Variants in ZCCHC7 observed in about 807,000 individuals in gnomAD.
ZCCHC7 encodes zinc finger CCHC-type containing 7, also known as zinc finger CCHC domain-containing protein 7.
In ZCCHC7, 35 loss-of-function variants were observed where a neutral mutation model predicts 52.0. The observed-to-expected ratio is 0.67, with a 90% CI of 0.51 to 0.89. The LOEUF is 0.89. ZCCHC7 is among the 40% of genes least tolerant of loss of function. The pLI, the probability that ZCCHC7 is intolerant of heterozygous loss-of-function variation, is 0.00. For synonymous variants in ZCCHC7, 217 were observed against 221.5 expected (o/e 0.98, Z 0.18); for missense variants, 574 against 649.1 (o/e 0.88, Z 1.26).
intron 2 of ZCCHC7, among the ~76,000 whole-genome samples, chr9:37,178,409 CAA>C (rs34269738): frequency 2.3e-4 from 18 of 77,816 alleles, no homozygotes; most frequent in Admixed American, 7.0e-4. Flanking sequence ...TACCCCCCAC[CAA>C]AAAAAAAAAA....
chr9:37,171,376 A>G (rs1821718676), intron 2 of ZCCHC7, among the ~76,000 whole-genome samples: 1 of 152,162 alleles, frequency 6.6e-6, no homozygotes, highest in Non-Finnish European at 1.5e-5. Context: ...TGTCAGTTTC[A>G]TTAATAGACA....
chr9:37,322,779 T>C (rs934142908), intron 5 of ZCCHC7, among the ~76,000 whole-genome samples: 15 of 152,010 alleles, frequency 9.9e-5, no homozygotes, highest in South Asian at 4.2e-4. Context: ...TCCTCTATTA[T>C]GTCTTTATCA....
At chr9:37,183,773 A>G (rs991822332) in intron 2 of ZCCHC7, among the ~76,000 whole-genome samples, 3 of 152,250 alleles carry the variant, frequency 2.0e-5, no homozygotes, top group Non-Finnish European at 4.4e-5. Context: ...TCTCTCATTT[A>G]TAAATAAAGA....
chr9:37,187,268 T>C lies in ZCCHC7; in HGVS notation c.610+60326T>C, dbSNP rs532838624. 3.1e-4 allele frequency among the ~76,000 whole-genome samples: 47 copies of C among 152,350 alleles called. No individual in the cohort carries two copies. In the South Asian group the frequency reaches 8.9e-3, roughly 29 times the overall value. ...AGTTTCATGGAAGAAAATTTTTCCA[T>C]GGACAGGGGTCGGGGGATAGTTTCG... On this transcript the variant is annotated intron_variant, in intron 2 of 8. Transcript: ENST00000336755.
At chr9:37,222,328 A>AGAGTGTGT (rs1397605356) in intron 2 of ZCCHC7, among the ~76,000 whole-genome samples, 1 of 133,008 alleles carries the variant, frequency 7.5e-6, no homozygotes, top group Non-Finnish European at 1.6e-5. Flanking sequence ...AGAATAACAG[A>AGAGTGTGT]GTGTGTGTGT....
chr9:37,261,642 C>T (rs1459440511), intron 2 of ZCCHC7, among the ~76,000 whole-genome samples: 1 of 152,174 alleles, frequency 6.6e-6, no homozygotes, highest in Non-Finnish European at 1.5e-5. Flanking sequence ...TCTATAAACA[C>T]CTTTCCTTGA....
At chr9:37,184,962 G>A (rs1822571422) in intron 2 of ZCCHC7, among the ~76,000 whole-genome samples, 1 of 152,064 alleles carries the variant, frequency 6.6e-6, no homozygotes, top group African/African-American at 2.4e-5. Flanking sequence ...GATTTCCTGT[G>A]GGTTTCTAGG....
chr9:37,348,507 G>A (rs927571728), intron 6 of ZCCHC7, among the ~76,000 whole-genome samples: 1 of 152,090 alleles, frequency 6.6e-6, no homozygotes, highest in Non-Finnish European at 1.5e-5. Context: ...AGCCTCTGAA[G>A]TAGCTGGGAC....
rs555491248 is a variant in ZCCHC7 at position 37,257,959 on chromosome 9, C to A, written c.611-44229C>A. ...TTTATAGCAACACAGAGATTAAAAT[C>A]TTATTAGGGCAAGGGGTATAGCTGG... On this transcript the variant is annotated intron_variant, in intron 2 of 8. Coordinates refer to ENST00000336755, the MANE Select transcript of ZCCHC7 (RefSeq NM_032226.3). Among the ~76,000 whole-genome samples the A allele has an allele frequency of 3.3e-5, 5 of 152,212 alleles. No individual in the cohort carries two copies. In the East Asian group the frequency reaches 9.6e-4, roughly 29 times the overall value.
At chr9:37,259,414 A>G (rs1011713213) in intron 2 of ZCCHC7, among the ~76,000 whole-genome samples, 4 of 152,164 alleles carry the variant, frequency 2.6e-5, no homozygotes, top group African/African-American at 9.7e-5. Context: ...CAAAATTTAT[A>G]CTTTTATAAA....
chr9:37,329,792 A>G (rs1348133518), intron 6 of ZCCHC7, among the ~76,000 whole-genome samples: 4 of 151,886 alleles, frequency 2.6e-5, no homozygotes, highest in African/African-American at 9.7e-5. Flanking sequence ...ATTGACTCCT[A>G]GTAGCCCTCA....
chr9:37,172,066 C>G (rs1373793058), intron 2 of ZCCHC7, among the ~76,000 whole-genome samples: 1 of 152,060 alleles, frequency 6.6e-6, no homozygotes, highest in Non-Finnish European at 1.5e-5. Flanking sequence ...GGACCTGTGT[C>G]TCTTAAAGTT....
intron 2 of ZCCHC7, among the ~76,000 whole-genome samples, chr9:37,296,024 T>A (rs1042476331): frequency 6.6e-6 from 1 of 152,188 alleles, no homozygotes; most frequent in African/African-American, 2.4e-5. Flanking sequence ...CTATTTACTT[T>A]AGGTTGGTGC....
intron 2 of ZCCHC7, chr9:37,160,338 C>CCT (rs1252379775): frequency 2.2e-4 from 34 of 152,324 alleles, no homozygotes; most frequent in African/African-American, 8.2e-4. Context: ...AGCGAGACTT[C>CCT]ATCTCTACTA....
At chr9:37,133,952 G>T (rs1313360092) in intron 2 of ZCCHC7, among the ~76,000 whole-genome samples, 1 of 152,158 alleles carries the variant, frequency 6.6e-6, no homozygotes, top group African/African-American at 2.4e-5. Flanking sequence ...TTGAACTCCT[G>T]GCCTCAAGTG....
At chr9:37,247,767 T>C (rs960580574) in intron 2 of ZCCHC7, among the ~76,000 whole-genome samples, 1 of 151,910 alleles carries the variant, frequency 6.6e-6, no homozygotes, top group Non-Finnish European at 1.5e-5. Flanking sequence ...ATAAAAACAA[T>C]TAGCTGGGCA....
intron 2 of ZCCHC7, among the ~76,000 whole-genome samples, chr9:37,258,258 A>AC (rs1826688090): frequency 6.6e-6 from 1 of 152,134 alleles, no homozygotes; most frequent in South Asian, 2.1e-4. Flanking sequence ...TCCCTGTCTT[A>AC]CAGGGGTTTG....
chr9:37,276,133 G>A (rs1217286662), intron 2 of ZCCHC7, among the ~76,000 whole-genome samples: 1 of 152,206 alleles, frequency 6.6e-6, no homozygotes, highest in Non-Finnish European at 1.5e-5. Flanking sequence ...ACTAAATGAA[G>A]TCAAATACCT....
At chr9:37,302,294 A>T in intron 3 of ZCCHC7, 63 bp downstream of exon 3, 2 of 1,370,594 alleles carry the variant, frequency 1.5e-6, no homozygotes, top group Non-Finnish European at 1.0e-6. Context: ...GTTTATTATG[A>T]TAACTTTTGG....
Sources: allele counts gnomAD v4.1 joint callset (sites outside exome capture counted in the v4.1 genomes callset), GRCh38; gene constraint gnomAD v4.1.1; transcripts MANE v1.5; gene names NCBI Gene and HGNC (gene_info 2026-07-23, HGNC 2026-07-21).